IL1RAPL1: variants seen among roughly 807,000 people sequenced by gnomAD.
IL1RAPL1 encodes interleukin-1 receptor accessory protein-like 1.
In IL1RAPL1, 3 loss-of-function variants were observed where a neutral mutation model predicts 48.4. The ratio of observed to expected loss-of-function variants is 0.06; its 90% CI spans 0.03 to 0.16. The LOEUF is 0.16. IL1RAPL1 is among the 10% of genes least tolerant of loss of function. The pLI is 1.00. For missense variants in IL1RAPL1, 349 were observed against 530.6 expected, an observed-to-expected ratio of 0.66 and a Z score of 3.36; for synonymous variants, 185 against 187.7, an observed-to-expected ratio of 0.99 and a Z score of 0.12.
chrX:29,629,123 T>C (rs1388000318), intron 5 of IL1RAPL1, among the ~76,000 whole-genome samples: 3 of 112,037 alleles, frequency 2.7e-5, no homozygotes, highest in Non-Finnish European at 5.6e-5. Context: ...ACCTGGCATA[T>C]AGTTTTAGTA....
At chrX:28,734,061 T>C (rs1414229668) in intron 1 of IL1RAPL1, among the ~76,000 whole-genome samples, 1 of 111,542 alleles carries the variant, frequency 9.0e-6, no homozygotes, top group East Asian at 2.8e-4. Flanking sequence ...TCTCACTTTC[T>C]GTTGGCTTGA....
intron 1 of IL1RAPL1, chrX:28,659,000 A>ACTGGT: frequency 2.2e-6 from 1 of 464,128 alleles, no homozygotes; most frequent in African/African-American, 2.4e-5. Flanking sequence ...AACTACCAGT[A>ACTGGT]ACAGGAAGAA....
At chrX:29,121,900 CTT>C (rs1396280657) in intron 2 of IL1RAPL1, among the ~76,000 whole-genome samples, 3 of 111,765 alleles carry the variant, frequency 2.7e-5, no homozygotes, top group Non-Finnish European at 3.8e-5. Flanking sequence ...TTATATAACA[CTT>C]GATATTTGCC....
Position 29,139,733 on chromosome X carries a change from G to A in IL1RAPL1, c.83-143205G>A, listed in dbSNP as rs145100576. ...GGCAAGGCATAGGGAAAAGAGCAAT[G>A]GCAGAAACATGCAATAGATTTTTAA... is the stretch of plus-strand genomic sequence containing the variant. On this transcript the variant is annotated intron_variant, in intron 2 of 10. Transcript: ENST00000378993. 5.8e-3 allele frequency among the ~76,000 whole-genome samples: 642 copies of A among 110,905 alleles called. 4 individuals are homozygous for A. The highest frequency in any genetic ancestry group is 0.02 in the African/African-American group (601 of 30,561).
At position 29,585,572 on chromosome X, in the gene IL1RAPL1, A is replaced by G. The variant is rs554934024; in HGVS notation, c.704-82858A>G. Among the ~76,000 whole-genome samples, 15 of 111,766 alleles carry G rather than the reference A, an allele frequency of 1.3e-4. No individual in the cohort carries two copies. The South Asian group carries it at 5.6e-3, about 41-fold the overall frequency. On this transcript the variant is annotated intron_variant, in intron 5 of 10. Coordinates refer to ENST00000378993, the MANE Select transcript of IL1RAPL1 (RefSeq NM_014271.4). ...GATTACTGGATCATACGGTAGTTCT[A>G]TTTTCAGTTTCTTGAGGAACCTTCA...
intron 2 of IL1RAPL1, among the ~76,000 whole-genome samples, chrX:29,053,460 T>G (rs1247149282): frequency 8.9e-6 from 1 of 112,160 alleles, no homozygotes; most frequent in East Asian, 2.8e-4. Flanking sequence ...CCACACTGCT[T>G]TCCACAATGG....
intron 1 of IL1RAPL1, among the ~76,000 whole-genome samples, chrX:28,638,048 T>A (rs908309748): frequency 6.2e-5 from 7 of 112,087 alleles, no homozygotes; most frequent in African/African-American, 2.3e-4. Flanking sequence ...GGGACACAAC[T>A]GGAAGTTTCT....
At chrX:28,965,496 G>A (rs1312469619) in intron 2 of IL1RAPL1, among the ~76,000 whole-genome samples, 1 of 111,623 alleles carries the variant, frequency 9.0e-6, no homozygotes. Flanking sequence ...CTTTTACCTA[G>A]TAGAGAAAAT....
At chrX:29,028,876 G>T (rs1206078888) in intron 2 of IL1RAPL1, among the ~76,000 whole-genome samples, 2 of 110,835 alleles carry the variant, frequency 1.8e-5, no homozygotes, top group Admixed American at 1.9e-4. Flanking sequence ...CAGTCCATGA[G>T]TACTGGCCTA....
intron 1 of IL1RAPL1, among the ~76,000 whole-genome samples, chrX:28,615,208 T>G (rs1452334660): frequency 2.1e-5 from 1 of 48,611 alleles, no homozygotes; most frequent in Non-Finnish European, 4.1e-5. Context: ...TGTTTTTTTT[T>G]TTTTTTTTTT....
At chrX:29,819,102 G>A (rs1930555600) in intron 6 of IL1RAPL1, among the ~76,000 whole-genome samples, 1 of 111,822 alleles carries the variant, frequency 8.9e-6, no homozygotes, top group African/African-American at 3.2e-5. Flanking sequence ...TATACCTTAT[G>A]TAAACTGACC....
chrX:29,564,329 T>C (rs1922331593), intron 5 of IL1RAPL1, among the ~76,000 whole-genome samples: 1 of 112,392 alleles, frequency 8.9e-6, no homozygotes, highest in Non-Finnish European at 1.9e-5. Context: ...AGAAGGAATA[T>C]GCACTGCTGT....
At chrX:29,172,770 G>A (rs773555982) in intron 2 of IL1RAPL1, among the ~76,000 whole-genome samples, 1 of 111,621 alleles carries the variant, frequency 9.0e-6, no homozygotes, top group Non-Finnish European at 1.9e-5. Flanking sequence ...TTGACAAGCC[G>A]GAAGACTTTG....
chrX:29,255,812 AG>A (rs1356811710), intron 2 of IL1RAPL1, among the ~76,000 whole-genome samples: 1 of 111,564 alleles, frequency 9.0e-6, no homozygotes, highest in Non-Finnish European at 1.9e-5. Context: ...ATGGCAATGT[AG>A]TATTCCATGG....
At chrX:29,404,237 A>T (rs997811882) in intron 5 of IL1RAPL1, among the ~76,000 whole-genome samples, 2 of 111,885 alleles carry the variant, frequency 1.8e-5, no homozygotes, top group Admixed American at 9.5e-5. Flanking sequence ...CTGCCTTCCG[A>T]ATCCCTGGAA....
chrX:29,397,690 C>A (rs1002348644), intron 4 of IL1RAPL1, among the ~76,000 whole-genome samples: 1 of 111,496 alleles, frequency 9.0e-6, no homozygotes. Context: ...GATTCTGAGG[C>A]AAGCCCTGAT....
At chrX:28,643,688 A>T (rs1277357934) in intron 1 of IL1RAPL1, among the ~76,000 whole-genome samples, 1 of 112,189 alleles carries the variant, frequency 8.9e-6, no homozygotes, top group Non-Finnish European at 1.9e-5. Flanking sequence ...TCAACACACT[A>T]GTAATAAATG....
At chrX:28,974,253 A>C (rs1925152642) in intron 2 of IL1RAPL1, among the ~76,000 whole-genome samples, 1 of 112,061 alleles carries the variant, frequency 8.9e-6, no homozygotes, top group African/African-American at 3.2e-5. Context: ...TGTAAATAAT[A>C]GTATTTCCCA....
chrX:29,052,844 G>C (rs1296239232), intron 2 of IL1RAPL1, among the ~76,000 whole-genome samples: 1 of 110,730 alleles, frequency 9.0e-6, no homozygotes, highest in Non-Finnish European at 1.9e-5. Flanking sequence ...GCTAATTTTT[G>C]TATTTTTTAG....
Sources: gnomAD v4.1 joint callset for allele counts (sites outside exome capture counted in the v4.1 genomes callset) on GRCh38, gnomAD v4.1.1 for gene constraint, MANE v1.5 for transcripts, NCBI Gene and HGNC (gene_info 2026-07-23, HGNC 2026-07-21) for gene names.